RP1: variants seen among roughly 807,000 people sequenced by gnomAD.
RP1 encodes RP1 axonemal microtubule associated, also known as oxygen-regulated protein 1.
RP1 carries 16 observed loss-of-function variants against 14.8 expected under a neutral mutation model. The ratio of observed to expected loss-of-function variants is 1.08; its 90% CI spans 0.73 to 1.65. The LOEUF (loss-of-function observed/expected upper bound fraction) is 1.65. Ranked by LOEUF, RP1 falls within the 40% of genes most tolerant of loss-of-function variation. RP1 has a pLI of 0.00. For synonymous variants in RP1, 876 were observed against 883.6 expected (o/e 0.99, Z 0.15); for missense variants, 2,631 against 2,535.0 (o/e 1.04, Z -0.81).
intron 12 of RP1, among the ~76,000 whole-genome samples, chr8:54,682,062 A>C (rs980418952): frequency 1.3e-5 from 2 of 152,034 alleles, no homozygotes; most frequent in East Asian, 3.9e-4. Flanking sequence ...TATACCCAGT[A>C]ATGGGATTGC....
chr8:54,649,445 A>G (rs961664550), intron 4 of RP1, among the ~76,000 whole-genome samples: 6 of 152,188 alleles, frequency 3.9e-5, no homozygotes, highest in African/African-American at 1.4e-4. Context: ...GTCAAGCTCA[A>G]AAAGGGAAAA....
At chr8:54,859,000 TG>T (rs1343546424) in intron 27 of RP1, among the ~76,000 whole-genome samples, 1 of 152,050 alleles carries the variant, frequency 6.6e-6, no homozygotes, top group East Asian at 1.9e-4. Flanking sequence ...ACTATGTCAC[TG>T]TAGACTGGTG....
intron 24 of RP1, among the ~76,000 whole-genome samples, chr8:54,831,401 CT>C (rs368455444): frequency 1.1e-3 from 116 of 102,706 alleles, no homozygotes; most frequent in East Asian, 2.6e-3. Flanking sequence ...CCTATTGTTT[CT>C]TTTTTTTTTT....
chr8:54,636,344 A>T (rs1249311592), intron 3 of RP1, among the ~76,000 whole-genome samples: 1 of 152,250 alleles, frequency 6.6e-6, no homozygotes, highest in Non-Finnish European at 1.5e-5. Context: ...GTCAACATCC[A>T]CAACAAAATC....
At chr8:54,663,586 T>G in intron 6 of RP1, 1 of 1,010,752 alleles carries the variant, frequency 9.9e-7, no homozygotes, top group Non-Finnish European at 1.3e-6. Context: ...GTTTCTGGCA[T>G]CCACTGGGGA....
At chr8:54,562,684 A>C (rs1360147617) in intron 1 of RP1, among the ~76,000 whole-genome samples, 1 of 152,214 alleles carries the variant, frequency 6.6e-6, no homozygotes, top group Non-Finnish European at 1.5e-5. Flanking sequence ...CAAAAAAAAA[A>C]AAATCTTTTA....
intron 24 of RP1, among the ~76,000 whole-genome samples, chr8:54,834,436 C>T (rs937707488): frequency 6.6e-6 from 1 of 151,928 alleles, no homozygotes; most frequent in African/African-American, 2.4e-5. Flanking sequence ...GACACCAAGA[C>T]TAAAGAATAA....
At chr8:54,665,280 G>A (rs1406105837) in intron 7 of RP1, among the ~76,000 whole-genome samples, 2 of 152,032 alleles carry the variant, frequency 1.3e-5, no homozygotes, top group Non-Finnish European at 2.9e-5. Context: ...CTATGCATTA[G>A]ATAAGACAGC....
intron 25 of RP1, among the ~76,000 whole-genome samples, chr8:54,838,004 T>C (rs1811703424): frequency 6.6e-6 from 1 of 152,238 alleles, no homozygotes; most frequent in Non-Finnish European, 1.5e-5. Flanking sequence ...TTCTAGCTCC[T>C]GGACTGTACA....
At chr8:54,682,404 T>G (rs984430616) in intron 12 of RP1, among the ~76,000 whole-genome samples, 1 of 152,086 alleles carries the variant, frequency 6.6e-6, no homozygotes. Context: ...GAAATCAGTG[T>G]GGCGATTCCT....
intron 15 of RP1, among the ~76,000 whole-genome samples, chr8:54,715,936 A>C (rs535894111): frequency 4.6e-5 from 7 of 152,234 alleles, no homozygotes; most frequent in Non-Finnish European, 1.0e-4. Flanking sequence ...CAATACCAGA[A>C]GTAAGTACCA....
intron 15 of RP1, among the ~76,000 whole-genome samples, chr8:54,710,335 C>G (rs1165760618): frequency 6.6e-6 from 1 of 152,210 alleles, no homozygotes; most frequent in Non-Finnish European, 1.5e-5. Flanking sequence ...CCAGCAGGAG[C>G]AAACTCTGTG....
intron 23 of RP1, among the ~76,000 whole-genome samples, chr8:54,776,284 C>T (rs1020355804): frequency 1.3e-5 from 2 of 152,156 alleles, no homozygotes; most frequent in African/African-American, 2.4e-5. Context: ...TCACTGCAGC[C>T]TTGACCTCTT....
At chr8:54,789,940 T>C (rs771944204) in intron 24 of RP1, among the ~76,000 whole-genome samples, 4 of 152,180 alleles carry the variant, frequency 2.6e-5, no homozygotes, top group African/African-American at 9.7e-5. Context: ...TCAGCCTGCA[T>C]GAATGTGGAG....
rs28399531 is a variant in RP1 at position 54,626,137 on chromosome 8, C to A, written c.2255C>A (p.Thr752Lys). ...TGTTCCAAAAGTAATCTCAATTCCA[C>A]GATTTCCAAGAATTTCCATAGAAAT... Reference protein sequence around the residue: ...TFCSKSNLNSTISKNFHRNKL... With the variant: ...TFCSKSNLNSKISKNFHRNKL... The change falls in exon 4 of 4, where the codon ACG (threonine) becomes AAG (lysine). Residue 752 changes from threonine (T) to lysine (K), a missense_variant. Thr to Lys is a moderately conservative substitution (Grantham distance 78). Coordinates refer to ENST00000220676, the MANE Select transcript of RP1 (RefSeq NM_006269.2). The A allele has an allele frequency of 1.9e-6, 3 of 1,612,790 alleles. No individual in the cohort carries two copies. Among genetic ancestry groups the A allele is most frequent in the Non-Finnish European group, 2.5e-6 (3 of 1,179,462 alleles).
intron 27 of RP1, among the ~76,000 whole-genome samples, chr8:54,862,147 A>G (rs2129328756): frequency 6.6e-6 from 1 of 152,298 alleles, no homozygotes; most frequent in East Asian, 1.9e-4. Flanking sequence ...AGCTGAGGCT[A>G]AGAAACCTCA....
chr8:54,823,418 C>A (rs1462797842), intron 24 of RP1, among the ~76,000 whole-genome samples: 4 of 152,222 alleles, frequency 2.6e-5, no homozygotes, highest in East Asian at 3.9e-4. Flanking sequence ...GCAACCTCTG[C>A]CTCCCAGGTT....
chr8:54,734,181 T>C (rs1185679401), intron 17 of RP1, among the ~76,000 whole-genome samples: 1 of 152,124 alleles, frequency 6.6e-6, no homozygotes, highest in Non-Finnish European at 1.5e-5. Flanking sequence ...CTTTATATGG[T>C]GGTAGTTCTA....
At chr8:54,758,803 A>G in intron 21 of RP1, 1 of 1,020,954 alleles carries the variant, frequency 9.8e-7, no homozygotes. Flanking sequence ...CTACAGTAAC[A>G]TCTCTTTTAA....
Sources: allele counts gnomAD v4.1 joint callset (sites outside exome capture counted in the v4.1 genomes callset), GRCh38; gene constraint gnomAD v4.1.1; transcripts MANE v1.5; gene names NCBI Gene and HGNC (gene_info 2026-07-23, HGNC 2026-07-21).